RNF31: variants seen among roughly 807,000 people sequenced by gnomAD.
RNF31 encodes ring finger protein 31.
RNF31 carries 38 observed loss-of-function variants against 133.6 expected under a neutral mutation model. That is an observed-to-expected ratio of 0.28 (90% confidence interval 0.22 to 0.37). The LOEUF (loss-of-function observed/expected upper bound fraction) is 0.37, where lower values mean the gene tolerates loss of function less well. Among genes scored for constraint, RNF31 ranks in the 10% least tolerant of loss-of-function variants. The pLI, the probability that RNF31 is intolerant of heterozygous loss-of-function variation, is 1.00. For synonymous variants in RNF31, 582 were observed against 552.3 expected (o/e 1.05, Z -0.75); for missense variants, 1,118 against 1,394.1 (o/e 0.80, Z 3.15).
rs911184755 is a variant in RNF31, at chr14:24,158,136, C to T, written c.2842-6C>T. ...AATGTAACACCCATCTGTCTCTCCT[C>T]CTCAGGACAATAACGTCATGTTTAA... On this transcript the variant is annotated splice_region_variant and splice_polypyrimidine_tract_variant and intron_variant, in intron 17 of 20. Transcript: ENST00000324103. 1.7e-5 allele frequency: 27 copies of T among 1,614,234 alleles called. No homozygotes were observed. Among genetic ancestry groups the T allele is most frequent in the Non-Finnish European group, 2.2e-5 (26 of 1,180,018 alleles).
chr14:24,159,584 CAAAAAAA>C (rs59295225), intron 18 of RNF31, among the ~76,000 whole-genome samples: 41 of 82,214 alleles, frequency 5.0e-4, no homozygotes, highest in African/African-American at 9.7e-4. Flanking sequence ...AAATAACAAC[CAAAAAAA>C]AAAAAAAAAA....
Position 24,149,101 on chromosome 14 carries a change from T to A in RNF31, c.631+225T>A, listed in dbSNP as rs1352457060. On this transcript the variant is annotated intron_variant, in intron 5 of 20. Transcript: ENST00000324103. Reference sequence around the variant, plus strand: ...GCCTCAGCCTCCCGAGTAGCTGGGATTACAGGCATGCGCCACCGCGCTCGG... The same window carrying A: ...GCCTCAGCCTCCCGAGTAGCTGGGAATACAGGCATGCGCCACCGCGCTCGG... The A allele has an allele frequency of 5.0e-6, 3 of 604,422 alleles. No individual in the cohort carries two copies. In the African/African-American group the frequency reaches 5.6e-5, roughly 11 times the overall value. 37.4% of individuals were successfully genotyped at this position (604,422 alleles called of 1,614,324 possible).
At chr14:24,150,016 C>G in intron 6 of RNF31, 45 bp from the exon 7 acceptor site, 2 of 1,516,980 alleles carry the variant, frequency 1.3e-6, no homozygotes, top group Non-Finnish European at 1.8e-6. Flanking sequence ...GGGATCCAGG[C>G]ACCAGGTGCC....
Position 24,151,918 on chromosome 14 carries a change from C to T in RNF31, c.2056C>T (p.Gln686Ter). Residue 686 changes from glutamine (Q) to a stop codon, truncating the protein, a stop_gained, in exon 11 of 21, where the codon CAG becomes TAG. Coordinates refer to ENST00000324103, the MANE Select transcript of RNF31 (RefSeq NM_017999.5). LOFTEE classifies it high-confidence loss of function. This position sits in a 1 kb window ranked among gnomAD's most constrained non-coding sequence, Gnocchi z 5.3. ...TGTGGTAGAAGCTGTGAGGCACAGC[C>T]AGGACCGGGCCTTCCTGCGCCGCTT... ...GDVVEAVRHSQDRAFLRRLLA... is the reference protein window; with the variant it reads ...GDVVEAVRHS The T allele has an allele frequency of 6.2e-7, 1 of 1,614,224 alleles. No individual in the cohort carries two copies. The highest frequency in any genetic ancestry group is 8.5e-7 in the Non-Finnish European group (1 of 1,180,032).
intron 2 of RNF31, 26 bp downstream of exon 2, chr14:24,148,148 G>A (rs780083027): frequency 5.0e-6 from 8 of 1,613,676 alleles, no homozygotes; most frequent in South Asian, 2.2e-5. Flanking sequence ...TTATGGGAGA[G>A]GGGGCTGGGG....
intron 11 of RNF31, among the ~76,000 whole-genome samples, 179 bp downstream of exon 11, chr14:24,152,171 C>A (rs189357004): frequency 1.3e-5 from 2 of 152,138 alleles, no homozygotes; most frequent in Admixed American, 6.5e-5. Context: ...AAACAATGTT[C>A]TATTATGGAA....
At position 24,148,240 on chromosome 14, in the gene RNF31, C is replaced by T. The variant is rs757365434; in HGVS notation, c.340-18C>T. 34 of 1,613,916 alleles carry T rather than the reference C, an allele frequency of 2.1e-5. 1 individual carries two copies. Among genetic ancestry groups the T allele is most frequent in the South Asian group, 1.6e-4 (15 of 91,078 alleles). On this transcript the variant is annotated intron_variant, in intron 2 of 20. Coordinates refer to ENST00000324103, the MANE Select transcript of RNF31 (RefSeq NM_017999.5). ...GCAGGAAACCTCCTGGGTGGTGACT[C>T]GTTTGAATGTGTGGCAGGGGGGCCG...
Position 24,147,707 on chromosome 14 carries a change from G to A in RNF31, c.9G>A (p.Gly3=), listed in dbSNP as rs1436040784. Residue 3 remains glycine, a synonymous_variant, in exon 1 of 21, where the codon GGG becomes GGA. Transcript: ENST00000324103. ...CTGACTCCTGCCTCAGGATGCCGGG[G>A]GAGGAAGAGGAGCGGGCCTTCCTGG... MP[G]EEEERAFLVA... The A allele has an allele frequency of 3.9e-6, 6 of 1,520,102 alleles. No homozygotes were observed. In the South Asian group the frequency reaches 7.3e-5, roughly 19 times the overall value. 94.2% of individuals were successfully genotyped at this position (1,520,102 alleles called of 1,614,324 possible). A position where few individuals can be genotyped will look rare whatever the true frequency, so the allele number is the denominator to read the frequency against.
Position 24,157,937 on chromosome 14 carries a change from C to T in RNF31, c.2767C>T (p.His923Tyr). The part of the protein sequence containing the change: ...EPNCRVKKSL[H>Y]GHHPRDCLFY... ...TAACTGCAGGGTGAAAAAGTCCCTG[C>T]ACGGCCACCACCCTCGAGACTGCCT... is the stretch of plus-strand genomic sequence containing the variant. The change falls in exon 17 of 21, where the codon CAC becomes TAC. Residue 923 changes from histidine to tyrosine, a missense_variant. Physicochemically the swap from His to Tyr is moderately conservative, Grantham distance 83. This residue lies in a region of RNF31 where 201 missense variants were observed against 371.7 expected (regional missense o/e 0.54). Coordinates refer to ENST00000324103, the MANE Select transcript of RNF31 (RefSeq NM_017999.5). 1 of 1,614,156 alleles carries T rather than the reference C, an allele frequency of 6.2e-7. No individual in the cohort carries two copies.
At chr14:24,149,799 A>C (rs2038235334) in intron 6 of RNF31, among the ~76,000 whole-genome samples, 1 of 152,198 alleles carries the variant, frequency 6.6e-6, no homozygotes, top group South Asian at 2.1e-4. Flanking sequence ...CCTAGTCTGA[A>C]GGGTCAGCTG....
intron 16 of RNF31, 28 bp from the exon 17 acceptor site, chr14:24,157,870 T>C (rs1445280609): frequency 6.3e-7 from 1 of 1,593,938 alleles, no homozygotes; most frequent in East Asian, 2.2e-5. Context: ...GTCTCCAACT[T>C]CCTCTCTCCC....
Position 24,160,505 on chromosome 14 carries a change from T to C in RNF31, c.3166-15T>C, listed in dbSNP as rs370227510. On this transcript the variant is annotated splice_polypyrimidine_tract_variant and intron_variant, in intron 20 of 20. Coordinates refer to ENST00000324103, the MANE Select transcript of RNF31 (RefSeq NM_017999.5). The surrounding 1 kb of genome is among the most constrained non-coding windows in gnomAD (Gnocchi z 4.0). ...CCAGGCTTCCAATATCATTACCTTC[T>C]CTCTCCTTCTGCAGAAGCTGACAGA... 21 of 1,556,320 alleles carry C rather than the reference T, an allele frequency of 1.3e-5. No individual in the cohort carries two copies. The African/African-American group carries it at 2.9e-4, about 21-fold the overall frequency.
intron 11 of RNF31, among the ~76,000 whole-genome samples, chr14:24,153,218 G>A (rs1390812288): frequency 6.6e-6 from 1 of 152,142 alleles, no homozygotes; most frequent in Admixed American, 6.6e-5. Flanking sequence ...GCTGAGGTGG[G>A]AGAATACCTT....
Position 24,148,890 on chromosome 14 carries a change from T to C in RNF31, c.631+14T>C. ...CCTCTGTCCCAGGTATTATTGGTCC[T>C]AAATTGGGGACCAGGTAGGAAGCTA... On this transcript the variant is annotated intron_variant, in intron 5 of 20. Coordinates refer to ENST00000324103, the MANE Select transcript of RNF31 (RefSeq NM_017999.5). 6.2e-7 allele frequency: 1 copy of C among 1,604,846 alleles called. No homozygotes were observed. The highest frequency in any genetic ancestry group is 8.5e-7 in the Non-Finnish European group (1 of 1,171,530).
At chr14:24,149,306 G>C (rs2038227686) in intron 5 of RNF31, 100 bp from the exon 6 acceptor site, 1 of 1,233,312 alleles carries the variant, frequency 8.1e-7, no homozygotes. Context: ...CTTGGGTCCA[G>C]ATGTTTAAAA....
intron 18 of RNF31, among the ~76,000 whole-genome samples, chr14:24,158,995 C>G (rs866257943): frequency 7.4e-6 from 1 of 135,730 alleles, no homozygotes; most frequent in South Asian, 2.3e-4. Context: ...ATGGCGCCAC[C>G]GCACTCCAGC....
At chr14:24,147,327 G>A (rs2038181595), upstream of RNF31, 1 of 205,890 alleles carries the variant, frequency 4.9e-6, no homozygotes, top group South Asian at 1.7e-4. Context: ...GCTTGACTGA[G>A]GGAAGATGCT....
intron 8 of RNF31, 73 bp downstream of exon 8, chr14:24,150,961 T>G: frequency 6.6e-7 from 1 of 1,516,862 alleles, no homozygotes; most frequent in East Asian, 2.3e-5. Context: ...GGTTAATAGT[T>G]TCTATGAATC....
Position 24,147,992 on chromosome 14 carries a change from A to T in RNF31, c.209A>T (p.Asn70Ile), listed in dbSNP as rs747430184. 6.2e-7 allele frequency: 1 copy of T among 1,613,372 alleles called. No homozygotes were observed. Among genetic ancestry groups the T allele is most frequent in the African/African-American group, 1.3e-5 (1 of 74,646 alleles). ...NAHGEPRNYLNTLSTALNILE... is the reference protein window; with the variant it reads ...NAHGEPRNYLITLSTALNILE... ...TGCTCCCAGCCCCGAAACTACCTCAACACCCTGTCCACGGCTCTGAACATC... is the reference window on the plus strand; with the variant it reads ...TGCTCCCAGCCCCGAAACTACCTCATCACCCTGTCCACGGCTCTGAACATC... The change falls in exon 2 of 21, where the codon AAC becomes ATC. Residue 70 changes from asparagine (N) to isoleucine (I), a missense_variant. Coordinates refer to ENST00000324103, the MANE Select transcript of RNF31 (RefSeq NM_017999.5).
Sources: allele counts gnomAD v4.1 joint callset (sites outside exome capture counted in the v4.1 genomes callset), GRCh38; gene constraint gnomAD v4.1.1; regional missense constraint gnomAD v4.1.1; non-coding constraint Gnocchi (gnomAD v3.1); transcripts MANE v1.5; gene names NCBI Gene and HGNC (gene_info 2026-07-23, HGNC 2026-07-21).